Variants in PLCG1 observed in about 807,000 individuals in gnomAD.
PLCG1 encodes 1-phosphatidylinositol 4,5-bisphosphate phosphodiesterase gamma-1.
A neutral mutation model predicts 177.8 loss-of-function variants in PLCG1; 71 were observed. The ratio of observed to expected loss-of-function variants is 0.40; its 90% confidence interval spans 0.33 to 0.49. The LOEUF (loss-of-function observed/expected upper bound fraction) is 0.49, where lower values mean the gene tolerates loss of function less well. PLCG1 is among the 20% of genes least tolerant of loss of function. The pLI is 0.72. For missense variants in PLCG1, 1,281 were observed against 1,709.0 expected (o/e 0.75, Z 4.42); for synonymous variants, 658 against 647.9 (o/e 1.02, Z -0.24).
chr20:41,167,113 G>A lies in PLCG1; in HGVS notation c.2301+254G>A, dbSNP rs1295745021. 1.3e-5 allele frequency among the ~76,000 whole-genome samples: 2 copies of A among 152,184 alleles called. No individual in the cohort carries two copies. The highest frequency in any genetic ancestry group is 2.9e-5 in the Non-Finnish European group (2 of 68,040). On this transcript the variant is annotated intron_variant, in intron 19 of 31. Transcript: ENST00000685551. The surrounding 1 kb of genome is among the most constrained non-coding windows in gnomAD (Gnocchi z 4.4). ...CTCATGAGTCAAGATGTGGAGTGAGGAGGTTCTGGGGCTCACACTGGGAGA... is the reference window on the plus strand; with the variant it reads ...CTCATGAGTCAAGATGTGGAGTGAGAAGGTTCTGGGGCTCACACTGGGAGA...
In PLCG1 at chr20:41,167,925, T is replaced by C; in HGVS notation, c.2375T>C (p.Phe792Ser). ...FYVEANPMPT[F>S]KCAVKALFDY... ...GTAGAGGCAAACCCTATGCCAACTTTCAAGGTACAGCTCAGGCCTCTGGGC... is the reference window on the plus strand; with the variant it reads ...GTAGAGGCAAACCCTATGCCAACTTCCAAGGTACAGCTCAGGCCTCTGGGC... The change falls in exon 20 of 32, where the codon TTC becomes TCC. Residue 792 changes from phenylalanine (F) to serine (S), a missense_variant. Coordinates refer to ENST00000685551, the MANE Select transcript of PLCG1 (RefSeq NM_002660.3). This position sits in a 1 kb window ranked among gnomAD's most constrained non-coding sequence, Gnocchi z 4.4. 3 of 1,611,406 alleles carry C rather than the reference T, an allele frequency of 1.9e-6. No individual in the cohort carries two copies. The highest frequency in any genetic ancestry group is 3.3e-5 in the Admixed American group (2 of 60,018).
At chr20:41,140,710 G>T (rs1223600577) in intron 1 of PLCG1, among the ~76,000 whole-genome samples, 1 of 152,190 alleles carries the variant, frequency 6.6e-6, no homozygotes, top group Non-Finnish European at 1.5e-5. Context: ...AAGTTTGGTT[G>T]TCCTGGTGGT....
At position 41,173,454 on chromosome 20, in the gene PLCG1, G is replaced by A. The variant is rs186053167; in HGVS notation, c.3314G>A (p.Arg1105Gln). The A allele has an allele frequency of 7.4e-6, 12 of 1,611,742 alleles. No individual in the cohort carries two copies. The highest frequency in any genetic ancestry group is 1.0e-5 in the Non-Finnish European group (12 of 1,178,460). Residue 1105 changes from arginine (R) to glutamine (Q), a missense_variant, in exon 28 of 32, where the codon CGA (arginine) becomes CAA (glutamine). Physicochemically the swap from Arg to Gln is conservative, Grantham distance 43. Coordinates refer to ENST00000685551, the MANE Select transcript of PLCG1 (RefSeq NM_002660.3). The surrounding 1 kb of genome is among the most constrained non-coding windows in gnomAD (Gnocchi z 6.2). ...LGARHLPKNG[R>Q]GIVCPFVEIE... is the part of the protein sequence containing the mutation. ...GCCCGACATCTGCCAAAGAATGGCCGAGGCATTGTGTGTCCTTTTGTGGAG... is the reference window on the plus strand; with the variant it reads ...GCCCGACATCTGCCAAAGAATGGCCAAGGCATTGTGTGTCCTTTTGTGGAG...
Position 41,162,858 on chromosome 20 carries a change from A to T in PLCG1, c.682-100A>T, listed in dbSNP as rs2035558078. 11 of 1,346,692 alleles carry T rather than the reference A, an allele frequency of 8.2e-6. No individual in the cohort carries two copies. The Admixed American group carries it at 1.7e-4, about 21-fold the overall frequency. The allele number at this position is 1,346,692 out of a possible 1,614,324, so 83.4% of individuals were successfully genotyped here. A position where few individuals can be genotyped will look rare whatever the true frequency, so the allele number is the denominator to read the frequency against. ...CATTTCTCCAGTTCTTCTCCTCTTG[A>T]GGCCTGCCCCCATCTGCTGCTCTAG... On this transcript the variant is annotated intron_variant, in intron 6 of 31. Coordinates refer to ENST00000685551, the MANE Select transcript of PLCG1 (RefSeq NM_002660.3).
In PLCG1 at chr20:41,172,336, GGT is replaced by G. The variant is rs2035928614; in HGVS notation, c.2905+49_2905+50del. On this transcript the variant is annotated intron_variant, in intron 25 of 31. Transcript: ENST00000685551. This position sits in a 1 kb window ranked among gnomAD's most constrained non-coding sequence, Gnocchi z 7.0. ...GGGTGTGCATGTGCCTGGAGGGCCT[GGT>G]GGGTGCAAAAAGAGTATTTAGGTAT... is the stretch of plus-strand genomic sequence containing the variant. The G allele has an allele frequency of 1.3e-6, 2 of 1,579,724 alleles. No individual in the cohort carries two copies. The highest frequency in any genetic ancestry group is 2.7e-5 in the African/African-American group (2 of 74,378).
rs1159936647 is a variant in PLCG1, at chr20:41,156,351, TG to T, written c.218-3252del. Among the ~76,000 whole-genome samples, 3 of 152,126 alleles carry T rather than the reference TG, an allele frequency of 2.0e-5. No individual in the cohort carries two copies. The highest frequency in any genetic ancestry group is 2.9e-5 in the Non-Finnish European group (2 of 68,006). ...GGGACATGGTGCCATTCCTGAAGCC[TG>T]GGCAGCCATCACCATGGGCCTGGGG... On this transcript the variant is annotated intron_variant, in intron 1 of 31. Transcript: ENST00000685551. The surrounding 1 kb of genome is among the most constrained non-coding windows in gnomAD (Gnocchi z 5.0).
Position 41,159,918 on chromosome 20 carries a change from T to G in PLCG1, c.419T>G (p.Leu140Arg). Reference sequence around the variant, plus strand: ...ATGTGGATCAAGGGCTTAACTTGGCTGATGGAGGATACATTGCAGGCACCC... The same window carrying G: ...ATGTGGATCAAGGGCTTAACTTGGCGGATGGAGGATACATTGCAGGCACCC... ...VNMWIKGLTW[L>R]MEDTLQAPTP... The change falls in exon 3 of 32, where the codon CTG (leucine) becomes CGG (arginine). Residue 140 changes from leucine (L) to arginine (R), a missense_variant. By Grantham distance (102) the Leu-to-Arg change is moderately radical (BLOSUM62 -2). This residue lies in a region of PLCG1 where 374 missense variants were observed against 443.8 expected (regional missense o/e 0.84). Coordinates refer to ENST00000685551, the MANE Select transcript of PLCG1 (RefSeq NM_002660.3). This position sits in a 1 kb window ranked among gnomAD's most constrained non-coding sequence, Gnocchi z 6.0. 1 of 1,614,074 alleles carries G rather than the reference T, an allele frequency of 6.2e-7. No individual in the cohort carries two copies. The highest frequency in any genetic ancestry group is 8.5e-7 in the Non-Finnish European group (1 of 1,180,006).
At position 41,156,427 on chromosome 20, in the gene PLCG1, G is replaced by A. The variant is rs2035323558; in HGVS notation, c.218-3179G>A. Among the ~76,000 whole-genome samples the A allele has an allele frequency of 6.6e-6, 1 of 152,178 alleles. No individual in the cohort carries two copies. The highest frequency in any genetic ancestry group is 1.5e-5 in the Non-Finnish European group (1 of 68,030). On this transcript the variant is annotated intron_variant, in intron 1 of 31. Coordinates refer to ENST00000685551, the MANE Select transcript of PLCG1 (RefSeq NM_002660.3). This position sits in a 1 kb window ranked among gnomAD's most constrained non-coding sequence, Gnocchi z 5.0. ...TGCTGCAGCCCTGATGGGCTGTGCT[G>A]GCTGGGCTTTGCCTTCTTGGGTCAA...
Position 41,166,368 on chromosome 20 carries a change from A to G in PLCG1, c.1974A>G (p.Pro658=), listed in dbSNP as rs771503323. The change falls in exon 17 of 32, where the codon CCA becomes CCG. Residue 658 remains proline (P), a synonymous_variant. Transcript: ENST00000685551. The surrounding 1 kb of genome is among the most constrained non-coding windows in gnomAD (Gnocchi z 8.6). The part of the protein sequence containing the change: ...EFEMRLSEPV[P]QTNAHESKEW... ...AGATGCGACTTTCAGAGCCTGTCCC[A>G]CAGACCAACGCCCACGAGAGCAAAG... The G allele has an allele frequency of 3.1e-6, 5 of 1,614,100 alleles. No individual in the cohort carries two copies. The South Asian group carries it at 4.4e-5, about 14-fold the overall frequency.
At position 41,167,848 on chromosome 20, in the gene PLCG1, C is replaced by G. The variant is rs553720533; in HGVS notation, c.2302-4C>G. ...TAACATATCCCATTGTGTCCTGTTT[C>G]CAGGAGCCTGACTACGGGGCCCTGT... On this transcript the variant is annotated splice_polypyrimidine_tract_variant and splice_region_variant and intron_variant, in intron 19 of 31. Transcript: ENST00000685551. This position sits in a 1 kb window ranked among gnomAD's most constrained non-coding sequence, Gnocchi z 4.4. 1.3e-5 allele frequency: 21 copies of G among 1,609,930 alleles called. No individual in the cohort carries two copies. In the Admixed American group the frequency reaches 1.3e-4, roughly 10 times the overall value.
chr20:41,140,286 T>C (rs1456776545), intron 1 of PLCG1, among the ~76,000 whole-genome samples: 1 of 152,220 alleles, frequency 6.6e-6, no homozygotes, highest in Non-Finnish European at 1.5e-5. Context: ...ACTTAACTAA[T>C]GGAGGCTTCC....
In PLCG1 at chr20:41,159,862, G is replaced by A; in HGVS notation, c.371-8G>A. 6.2e-7 allele frequency: 1 copy of A among 1,613,996 alleles called. No individual in the cohort carries two copies. The highest frequency in any genetic ancestry group is 8.5e-7 in the Non-Finnish European group (1 of 1,179,858). ...CCCTCGGGGCAGCTATTGATACCTTGCTCACAGCCACATCTGAGGATGAAG... is the reference window on the plus strand; with the variant it reads ...CCCTCGGGGCAGCTATTGATACCTTACTCACAGCCACATCTGAGGATGAAG... On this transcript the variant is annotated splice_region_variant and splice_polypyrimidine_tract_variant and intron_variant, in intron 2 of 31. Transcript: ENST00000685551. This position sits in a 1 kb window ranked among gnomAD's most constrained non-coding sequence, Gnocchi z 6.0.
In PLCG1 at chr20:41,172,308, G is replaced by A. The variant is rs757484133; in HGVS notation, c.2905+19G>A. On this transcript the variant is annotated intron_variant, in intron 25 of 31. Transcript: ENST00000685551. This position sits in a 1 kb window ranked among gnomAD's most constrained non-coding sequence, Gnocchi z 7.0. The stretch of plus-strand genomic sequence containing the variant: ...GAAGAGAGTAAGGGCCAGGGCCCAG[G>A]CGGGGTGTGCATGTGCCTGGAGGGC... 7 of 1,604,606 alleles carry A rather than the reference G, an allele frequency of 4.4e-6. No homozygotes were observed. In the Admixed American group the frequency reaches 8.3e-5, roughly 19 times the overall value.
intron 1 of PLCG1, among the ~76,000 whole-genome samples, chr20:41,142,134 A>G (rs752396991): frequency 1.3e-4 from 20 of 152,242 alleles, no homozygotes; most frequent in Non-Finnish European, 1.9e-4. Context: ...GTTACATACC[A>G]TAATATAAAG....
chr20:41,137,915 G>A lies in PLCG1; in HGVS notation c.217+57G>A, dbSNP rs1245839420. 1 of 1,161,424 alleles carries A rather than the reference G, an allele frequency of 8.6e-7. No homozygotes were observed. Among genetic ancestry groups the A allele is most frequent in the Non-Finnish European group, 1.1e-6 (1 of 911,148 alleles). The allele number at this position is 1,161,424 out of a possible 1,614,324, so 71.9% of individuals were successfully genotyped here. A position where few individuals can be genotyped will look rare whatever the true frequency, so the allele number is the denominator to read the frequency against. The stretch of plus-strand genomic sequence containing the variant: ...CCCGCGCGGGGGTCGTGGGAGCCCG[G>A]CCCGACTGCTTGCACCCCGGCCGGC... On this transcript the variant is annotated intron_variant, in intron 1 of 31. Transcript: ENST00000685551. The surrounding 1 kb of genome is among the most constrained non-coding windows in gnomAD (Gnocchi z 7.3).
Position 41,157,372 on chromosome 20 carries a change from C to T in PLCG1, c.218-2234C>T, listed in dbSNP as rs567745337. ...TCTGCAGTTTCTGATCTAGCCATTTCCCCTGATGGAAGCTCCTCCTTCTGT... is the reference window on the plus strand; with the variant it reads ...TCTGCAGTTTCTGATCTAGCCATTTTCCCTGATGGAAGCTCCTCCTTCTGT... On this transcript the variant is annotated intron_variant, in intron 1 of 31. Coordinates refer to ENST00000685551, the MANE Select transcript of PLCG1 (RefSeq NM_002660.3). This position sits in a 1 kb window ranked among gnomAD's most constrained non-coding sequence, Gnocchi z 5.4. Among the ~76,000 whole-genome samples, 1 of 152,144 alleles carries T rather than the reference C, an allele frequency of 6.6e-6. No homozygotes were observed. Among genetic ancestry groups the T allele is most frequent in the South Asian group, 2.1e-4 (1 of 4,800 alleles).
At position 41,169,522 on chromosome 20, in the gene PLCG1, G is replaced by A; in HGVS notation, c.2646G>A (p.Gln882=). Reference sequence around the variant, plus strand: ...GGGTCTTGGATGTGCCGGCTTGTCAGATTGGTGAGCTCCCATCTGTTTCTC... The same window carrying A: ...GGGTCTTGGATGTGCCGGCTTGTCAAATTGGTGAGCTCCCATCTGTTTCTC... ...LRGVLDVPAC[Q]IAIRPEGKNN... Residue 882 remains glutamine (Q), a synonymous_variant, in exon 23 of 32, where the codon CAG becomes CAA. Transcript: ENST00000685551. 1.9e-6 allele frequency: 3 copies of A among 1,612,250 alleles called. No homozygotes were observed. Among genetic ancestry groups the A allele is most frequent in the South Asian group, 1.1e-5 (1 of 91,054 alleles).
At chr20:41,145,052 T>TA (rs1271164875) in intron 1 of PLCG1, among the ~76,000 whole-genome samples, 1 of 152,196 alleles carries the variant, frequency 6.6e-6, no homozygotes, top group African/African-American at 2.4e-5. Context: ...ATAAAATTCT[T>TA]ATAGGATTTG....
At chr20:41,142,789 G>A (rs994451284) in intron 1 of PLCG1, among the ~76,000 whole-genome samples, 6 of 152,192 alleles carry the variant, frequency 3.9e-5, no homozygotes, top group Admixed American at 6.5e-5. Flanking sequence ...ATGAGAACCT[G>A]TATAAAGTGC....
Sources: gnomAD v4.1 joint callset for allele counts (sites outside exome capture counted in the v4.1 genomes callset) on GRCh38, gnomAD v4.1.1 for gene constraint, gnomAD v4.1.1 regional missense constraint, Gnocchi (gnomAD v3.1) non-coding constraint, MANE v1.5 for transcripts, NCBI Gene and HGNC (gene_info 2026-07-23, HGNC 2026-07-21) for gene names.